EXOC3L2: variants seen among roughly 807,000 people sequenced by gnomAD.
EXOC3L2 encodes the protein exocyst complex component 3-like protein 2.
A neutral mutation model predicts 44.4 loss-of-function variants in EXOC3L2; 17 were observed. The observed-to-expected ratio is 0.38, with a 90% confidence interval of 0.26 to 0.57. EXOC3L2 has a LOEUF of 0.57. EXOC3L2 is among the 20% of genes least tolerant of loss of function. EXOC3L2 has a pLI of 0.65. For missense variants in EXOC3L2, 541 were observed against 588.4 expected, an observed-to-expected ratio of 0.92 and a Z score of 0.83; for synonymous variants, 256 against 253.7, an observed-to-expected ratio of 1.01 and a Z score of -0.09.
intron 8 of EXOC3L2, among the ~76,000 whole-genome samples, chr19:45,223,393 A>G (rs1408269587): frequency 6.6e-6 from 1 of 152,034 alleles, no homozygotes; most frequent in Admixed American, 6.6e-5. Context: ...CCCAGGCTGC[A>G]GTGCAATGGT....
chr19:45,217,258 T>C (rs893881733), intron 10 of EXOC3L2, among the ~76,000 whole-genome samples: 1 of 152,194 alleles, frequency 6.6e-6, no homozygotes, highest in African/African-American at 2.4e-5. Context: ...AATTAACCAA[T>C]CTGATCCTCA....
intron 9 of EXOC3L2, 57 bp from the exon 10 acceptor site, chr19:45,217,740 C>T: frequency 2.2e-6 from 3 of 1,381,668 alleles, no homozygotes; most frequent in Non-Finnish European, 2.8e-6. Flanking sequence ...GGACTCCCAT[C>T]CCGCCAGTCT....
rs773309224 is a variant in EXOC3L2 at position 45,217,686 on chromosome 19, G to A, written c.1843-3C>T. 2.1e-6 allele frequency: 3 copies of A among 1,398,376 alleles called. No individual in the cohort carries two copies. Among genetic ancestry groups the A allele is most frequent in the Admixed American group, 3.4e-5 (1 of 29,230 alleles). The allele number at this position is 1,398,376 out of a possible 1,614,324, so 86.6% of individuals were successfully genotyped here. A position where few individuals can be genotyped will look rare whatever the true frequency, so the allele number is the denominator to read the frequency against. ...CGGTGTAGCTCGGCTACCAGCGCCTGGAGGCGGAGGAGGGAAACCCGAGGG... is the reference window on the plus strand; with the variant it reads ...CGGTGTAGCTCGGCTACCAGCGCCTAGAGGCGGAGGAGGGAAACCCGAGGG... On this transcript the variant is annotated splice_polypyrimidine_tract_variant and splice_region_variant and intron_variant, in intron 9 of 11. Transcript: ENST00000413988.
chr19:45,233,906 G>A (rs1970055358), intron 3 of EXOC3L2, among the ~76,000 whole-genome samples: 1 of 152,198 alleles, frequency 6.6e-6, no homozygotes, highest in Non-Finnish European at 1.5e-5. Context: ...GATCTAGAGT[G>A]TAAGTGTTGA....
rs537594893 is a variant in EXOC3L2, at chr19:45,222,079, C to T, written c.1719+2699G>A. ...ACATACACATGCACACTCATGCACA[C>T]GGCGCACACACACACACAAACACTC... On this transcript the variant is annotated intron_variant, in intron 8 of 11. Transcript: ENST00000413988. Among the ~76,000 whole-genome samples, 26 of 152,104 alleles carry T rather than the reference C, an allele frequency of 1.7e-4. No homozygotes were observed. The South Asian group carries it at 4.0e-3, about 23-fold the overall frequency.
At position 45,238,898 on chromosome 19, in the gene EXOC3L2, T is replaced by A. The variant is rs1192928760; in HGVS notation, c.148A>T (p.Thr50Ser). ...AGELGSLPNGTSCRRRATLEK... is the reference protein window; with the variant it reads ...AGELGSLPNGSSCRRRATLEK... ...AGGGTGGCGCGGCGGCGACAAGATGTTCCATTGGGGAGGGACCCCAGCTCC... is the reference window on the plus strand; with the variant it reads ...AGGGTGGCGCGGCGGCGACAAGATGATCCATTGGGGAGGGACCCCAGCTCC... The change falls in exon 2 of 12, where the codon ACA (threonine) becomes TCA (serine). Residue 50 changes from threonine (T) to serine (S), a missense_variant. Coordinates refer to ENST00000413988, the MANE Select transcript of EXOC3L2 (RefSeq NM_001382422.1). This position sits in a 1 kb window ranked among gnomAD's most constrained non-coding sequence, Gnocchi z 5.5. 5 of 399,058 alleles carry A rather than the reference T, an allele frequency of 1.3e-5. No homozygotes were observed. The highest frequency in any genetic ancestry group is 1.3e-4 in the South Asian group (1 of 7,870). 24.7% of individuals were successfully genotyped at this position (399,058 alleles called of 1,614,324 possible).
At chr19:45,226,747 C>CTTTTTTTTTTTTTTTTTTTTTT (rs957385712) in intron 7 of EXOC3L2, among the ~76,000 whole-genome samples, 5 of 90,654 alleles carry the variant, frequency 5.5e-5, no homozygotes, top group African/African-American at 3.1e-4. Flanking sequence ...ACTCCCATCT[C>CTTTTTTTTTTTTTTTTTTTTTT]TTTTTTTTTT....
Position 45,213,104 on chromosome 19 carries a change from G to A in EXOC3L2, c.2374C>T (p.Pro792Ser). ...PSLACLPRPRPPSLARPRAQR is the reference protein window; with the variant it reads ...PSLACLPRPRSPSLARPRAQR ...GCCCGAGGTCGCGCTAGAGACGGAG[G>A]CCGGGGCCGAGGCAGACAGGCCAAA... Residue 792 changes from proline (P) to serine (S), a missense_variant, in exon 12 of 12, where the codon CCT becomes TCT. Coordinates refer to ENST00000413988, the MANE Select transcript of EXOC3L2 (RefSeq NM_001382422.1). 1 of 1,536,624 alleles carries A rather than the reference G, an allele frequency of 6.5e-7. No homozygotes were observed. The highest frequency in any genetic ancestry group is 1.3e-5 in the South Asian group (1 of 79,824).
At chr19:45,231,510 G>A in intron 4 of EXOC3L2, among the ~76,000 whole-genome samples, 1 of 151,780 alleles carries the variant, frequency 6.6e-6, no homozygotes, top group Non-Finnish European at 1.5e-5. Flanking sequence ...TGAGTCTTTG[G>A]GCCTGTGAGC....
At position 45,219,413 on chromosome 19, in the gene EXOC3L2, A is replaced by AAAAAAAAAAAAG. The variant is rs1404154051; in HGVS notation, c.1720-1095_1720-1094insCTTTTTTTTTTT. Among the ~76,000 whole-genome samples, 414 of 150,650 alleles carry AAAAAAAAAAAAG rather than the reference A, an allele frequency of 2.7e-3. 3 individuals carry two copies. Among genetic ancestry groups the AAAAAAAAAAAAG allele is most frequent in the Non-Finnish European group, 4.9e-3 (334 of 67,494 alleles). The stretch of plus-strand genomic sequence containing the variant: ...CGTCTCAAAAAAAAAAAAAAAAAAA[A>AAAAAAAAAAAAG]AGAGAAAAAGTAAGAACTTTAAGAC... On this transcript the variant is annotated intron_variant, in intron 8 of 11. Coordinates refer to ENST00000413988, the MANE Select transcript of EXOC3L2 (RefSeq NM_001382422.1).
chr19:45,217,528 C>G lies in EXOC3L2; in HGVS notation c.1998G>C (p.Leu666=), dbSNP rs1969848138. ...AAQLQRLFRR[L]ESQASWLDAV... is the part of the protein sequence containing the mutation. ...CCCCCAACCGCGTCCCGACACTGAC[C>G]AGCCGCCGGAACAGCCTCTGCAGTT... The change falls in exon 10 of 12, where the codon CTG becomes CTC. Residue 666 remains leucine (L), a splice_region_variant and synonymous_variant. Coordinates refer to ENST00000413988, the MANE Select transcript of EXOC3L2 (RefSeq NM_001382422.1). 6.3e-7 allele frequency: 1 copy of G among 1,576,338 alleles called. No homozygotes were observed. The highest frequency in any genetic ancestry group is 1.1e-5 in the South Asian group (1 of 87,316).
Position 45,227,677 on chromosome 19 carries a change from C to T in EXOC3L2, c.1568G>A (p.Cys523Tyr). 4 of 1,611,890 alleles carry T rather than the reference C, an allele frequency of 2.5e-6. No homozygotes were observed. Among genetic ancestry groups the T allele is most frequent in the Non-Finnish European group, 3.4e-6 (4 of 1,179,568 alleles). The change falls in exon 7 of 12, where the codon TGC (cysteine) becomes TAC (tyrosine). Residue 523 changes from cysteine (C) to tyrosine (Y), a missense_variant. Transcript: ENST00000413988. ...YISKTIALVN[C>Y]GPPLRALAER... ...ATGCCCTCACCTCAGTGGGGGGCCG[C>T]AGTTGACCAGGGCGATGGTCTTGCT... is the stretch of plus-strand genomic sequence containing the variant.
Position 45,227,993 on chromosome 19 carries a change from G to A in EXOC3L2, c.1453C>T (p.Leu485=). 6.2e-7 allele frequency: 1 copy of A among 1,613,808 alleles called. No homozygotes were observed. Among genetic ancestry groups the A allele is most frequent in the Non-Finnish European group, 8.5e-7 (1 of 1,180,024 alleles). ...CCCTACCTCTGCAGGAACTCTGCCAGCCCGCCTAGGCAGCAGTGGGCCATC... is the reference window on the plus strand; with the variant it reads ...CCCTACCTCTGCAGGAACTCTGCCAACCCGCCTAGGCAGCAGTGGGCCATC... ...ERMAHCCLGG[L]AEFLQSFQQR... Residue 485 remains leucine, a synonymous_variant, in exon 6 of 12, where the codon CTG becomes TTG. Coordinates refer to ENST00000413988, the MANE Select transcript of EXOC3L2 (RefSeq NM_001382422.1).
intron 1 of EXOC3L2, 45 bp from the exon 2 acceptor site, chr19:45,239,106 TG>T (rs1970109240): frequency 5.0e-6 from 2 of 397,864 alleles, no homozygotes; most frequent in Non-Finnish European, 8.8e-6. Flanking sequence ...ATGACAATGG[TG>T]GTATGGATGA....
At chr19:45,229,383 T>A in intron 4 of EXOC3L2, among the ~76,000 whole-genome samples, 1 of 146,692 alleles carries the variant, frequency 6.8e-6, no homozygotes, top group Non-Finnish European at 1.5e-5. Context: ...TATTAAATAT[T>A]AGTATAAGCT....
chr19:45,218,403 C>G (rs929390812), intron 8 of EXOC3L2, 84 bp from the exon 9 acceptor site: 28 of 1,437,244 alleles, frequency 1.9e-5, no homozygotes, highest in Non-Finnish European at 2.6e-5. Flanking sequence ...CAACCCTGCT[C>G]CGTGTTGAAC....
At chr19:45,216,795 C>T (rs958147833) in intron 10 of EXOC3L2, 3 of 152,136 alleles carry the variant, frequency 2.0e-5, no homozygotes, top group Non-Finnish European at 4.4e-5. Flanking sequence ...TGCATTCTTT[C>T]TTACATCTGC....
intron 8 of EXOC3L2, among the ~76,000 whole-genome samples, chr19:45,224,049 G>C (rs948908627): frequency 6.6e-6 from 1 of 152,026 alleles, no homozygotes; most frequent in Non-Finnish European, 1.5e-5. Context: ...GTGAGAGGGA[G>C]AGCATTCCAG....
Position 45,238,775 on chromosome 19 carries a change from G to A in EXOC3L2, c.271C>T (p.Arg91Cys), listed in dbSNP as rs927268994. 1.5e-5 allele frequency: 6 copies of A among 398,772 alleles called. No homozygotes were observed. The highest frequency in any genetic ancestry group is 1.0e-4 in the African/African-American group (5 of 48,630). 24.7% of individuals were successfully genotyped at this position (398,772 alleles called of 1,614,324 possible). A position where few individuals can be genotyped will look rare whatever the true frequency, so the allele number is the denominator to read the frequency against. The change falls in exon 2 of 12, where the codon CGT becomes TGT. Residue 91 changes from arginine to cysteine, a missense_variant. Arg to Cys is a radical substitution (Grantham distance 180, BLOSUM62 -3). Transcript: ENST00000413988. This position sits in a 1 kb window ranked among gnomAD's most constrained non-coding sequence, Gnocchi z 5.5. ...GDGQPRSFLG[R>C]VLVPGIRRSS... ...CTGCGTATCCCTGGTACCAGCACACGGCCCAAGAAAGAGCGGGGCTGCCCA... is the reference window on the plus strand; with the variant it reads ...CTGCGTATCCCTGGTACCAGCACACAGCCCAAGAAAGAGCGGGGCTGCCCA...
Sources: gnomAD v4.1 joint callset for allele counts (sites outside exome capture counted in the v4.1 genomes callset) on GRCh38, gnomAD v4.1.1 for gene constraint, Gnocchi (gnomAD v3.1) non-coding constraint, MANE v1.5 for transcripts, NCBI Gene and HGNC (gene_info 2026-07-23, HGNC 2026-07-21) for gene names.